The following CX3CR1 variants were observed in gnomAD, a reference collection of about 807,000 sequenced individuals.
CX3CR1 encodes the protein CX3C chemokine receptor 1.
For synonymous variants in CX3CR1, 168 were observed against 178.5 expected (o/e 0.94, Z 0.47); for missense variants, 363 against 432.4 (o/e 0.84, Z 1.42).
At chr3:39,273,163 G>C (rs945654803) in intron 1 of CX3CR1, among the ~76,000 whole-genome samples, 2 of 152,268 alleles carry the variant, frequency 1.3e-5, no homozygotes, top group African/African-American at 4.8e-5. Context: ...GAAAATAGTA[G>C]ACCCAGGCCC....
At chr3:39,275,344 T>C (rs1310770710) in intron 1 of CX3CR1, among the ~76,000 whole-genome samples, 3 of 152,184 alleles carry the variant, frequency 2.0e-5, no homozygotes, top group Admixed American at 6.5e-5. Flanking sequence ...TGTGGGAAGG[T>C]ATGAGCCTAA....
upstream of CX3CR1, chr3:39,280,314 T>C (rs36230797): frequency 0.12 from 120,174 of 985,404 alleles, 7,756 homozygotes; most frequent in Middle Eastern, 0.17. Flanking sequence ...CAGTCAGCTC[T>C]CATTAATGGG....
At chr3:39,278,565 T>A (rs1187501212) in intron 1 of CX3CR1, among the ~76,000 whole-genome samples, 1 of 70,102 alleles carries the variant, frequency 1.4e-5, no homozygotes, top group Non-Finnish European at 2.9e-5. Context: ...TGCTTTCACG[T>A]GGTTCAATTT....
At chr3:39,281,859 T>C (rs1176245992), upstream of CX3CR1, 3 of 603,358 alleles carry the variant, frequency 5.0e-6, no homozygotes, top group Admixed American at 2.8e-5. Flanking sequence ...TACCCTCTTT[T>C]AAAGCTAACG....
At chr3:39,273,225 C>T (rs575145826) in intron 1 of CX3CR1, among the ~76,000 whole-genome samples, 2 of 152,244 alleles carry the variant, frequency 1.3e-5, no homozygotes, top group Admixed American at 6.5e-5. Flanking sequence ...GGGTTCTCCC[C>T]CTGTGGGCTC....
At chr3:39,285,432 T>C (rs764818687), upstream of CX3CR1, among the ~76,000 whole-genome samples, 3 of 152,104 alleles carry the variant, frequency 2.0e-5, no homozygotes, top group Non-Finnish European at 2.9e-5. Flanking sequence ...GTAGACAAAG[T>C]AAGTGCTATT....
At chr3:39,266,692 G>A (rs2040705803) in intron 1 of CX3CR1, 174 bp from the exon 2 acceptor site, 3 of 778,074 alleles carry the variant, frequency 3.9e-6, no homozygotes, top group Non-Finnish European at 7.0e-6. Context: ...GTCTTGTGAT[G>A]AAGACTGCAA....
intron 1 of CX3CR1, among the ~76,000 whole-genome samples, chr3:39,279,227 C>T (rs2040871466): frequency 1.3e-5 from 2 of 151,096 alleles, no homozygotes; most frequent in Admixed American, 6.6e-5. Flanking sequence ...ATAGATGGTA[C>T]AAAAAGTGGA....
At chr3:39,273,525 G>A (rs1409268715) in intron 1 of CX3CR1, among the ~76,000 whole-genome samples, 1 of 152,210 alleles carries the variant, frequency 6.6e-6, no homozygotes, top group African/African-American at 2.4e-5. Context: ...ACCCTGGGCA[G>A]GTCACTCTGC....
chr3:39,265,405 C>G lies in CX3CR1; in HGVS notation c.*37G>C. 6.5e-7 allele frequency: 1 copy of G among 1,546,520 alleles called. No individual in the cohort carries two copies. The highest frequency in any genetic ancestry group is 8.7e-7 in the Non-Finnish European group (1 of 1,147,990). On this transcript the variant is annotated 3_prime_UTR_variant, in exon 2 of 2. Coordinates refer to ENST00000399220, the MANE Select transcript of CX3CR1 (RefSeq NM_001337.4). ...CTAGTCAGCATCAGGTTCAGGAACTCCAGGTTCTCTGTAGACACAAGGCTT... is the reference window on the plus strand; with the variant it reads ...CTAGTCAGCATCAGGTTCAGGAACTGCAGGTTCTCTGTAGACACAAGGCTT...
In CX3CR1 at chr3:39,266,188, A is replaced by G; in HGVS notation, c.322T>C (p.Phe108Leu). ...CTTCCAAAAAAGCCGATGAAGAAGA[A>G]GGCGGTAGTGAATTTGCACATGGCA... Reference protein sequence around the residue: ...HNAMCKFTTAFFFIGFFGSIF... With the variant: ...HNAMCKFTTALFFIGFFGSIF... The change falls in exon 2 of 2, where the codon TTC becomes CTC. Residue 108 changes from phenylalanine to leucine, a missense_variant. Transcript: ENST00000399220. 1 of 1,614,236 alleles carries G rather than the reference A, an allele frequency of 6.2e-7. No homozygotes were observed. Among genetic ancestry groups the G allele is most frequent in the Non-Finnish European group, 8.5e-7 (1 of 1,180,038 alleles).
upstream of CX3CR1, among the ~76,000 whole-genome samples, chr3:39,285,243 A>G (rs1196045061): frequency 6.7e-6 from 1 of 148,504 alleles, no homozygotes; most frequent in South Asian, 2.1e-4. Flanking sequence ...ATAGCTGGGC[A>G]TGGTGGTGCC....
At chr3:39,278,663 T>C (rs2040866123) in intron 1 of CX3CR1, among the ~76,000 whole-genome samples, 1 of 148,264 alleles carries the variant, frequency 6.7e-6, no homozygotes, top group Non-Finnish European at 1.5e-5. Context: ...TTCTTTTTTT[T>C]TTTTTTTTTT....
chr3:39,265,349 T>C lies in CX3CR1; in HGVS notation c.*93A>G, dbSNP rs1003171432. 113 of 1,347,668 alleles carry C rather than the reference T, an allele frequency of 8.4e-5. No homozygotes were observed. Among genetic ancestry groups the C allele is most frequent in the Admixed American group, 1.1e-4 (5 of 44,062 alleles). 83.5% of individuals were successfully genotyped at this position (1,347,668 alleles called of 1,614,324 possible). A position where few individuals can be genotyped will look rare whatever the true frequency, so the allele number is the denominator to read the frequency against. On this transcript the variant is annotated 3_prime_UTR_variant, in exon 2 of 2. Transcript: ENST00000399220. ...TGCATTGGGTCCATCATTTTGTGCC[T>C]GTAAGAAATAACAACAAAAATCTTT...
At chr3:39,289,616 G>T in the CX3CR1 span, among the ~76,000 whole-genome samples, 1 of 152,062 alleles carries the variant, frequency 6.6e-6, no homozygotes, top group African/African-American at 2.4e-5. Context: ...ACTATTCTTA[G>T]AAAAAAATTA....
chr3:39,265,247 GTCAT>G lies in CX3CR1; in HGVS notation c.*191_*194del, dbSNP rs2040678914. On this transcript the variant is annotated 3_prime_UTR_variant, in exon 2 of 2. Coordinates refer to ENST00000399220, the MANE Select transcript of CX3CR1 (RefSeq NM_001337.4). ...GCAGTAAGAGAAATGTCTACTCTTT[GTCAT>G]TCAAAGAGTTCAATTTGTTCATTCT... 3 of 560,558 alleles carry G rather than the reference GTCAT, an allele frequency of 5.4e-6. No individual in the cohort carries two copies. The South Asian group carries it at 8.8e-5, about 16-fold the overall frequency. The allele number at this position is 560,558 out of a possible 1,614,324, so 34.7% of individuals were successfully genotyped here. A position where few individuals can be genotyped will look rare whatever the true frequency, so the allele number is the denominator to read the frequency against.
intron 1 of CX3CR1, among the ~76,000 whole-genome samples, chr3:39,268,638 G>A (rs955595495): frequency 3.9e-5 from 6 of 152,256 alleles, no homozygotes; most frequent in East Asian, 1.9e-4. Context: ...AAATTGTCTC[G>A]CATCTCTTTA....
chr3:39,266,717 A>G (rs2040706346), intron 1 of CX3CR1, 199 bp from the exon 2 acceptor site: 1 of 761,130 alleles, frequency 1.3e-6, no homozygotes, highest in Admixed American at 1.7e-5. Flanking sequence ...CTCTTCTGAC[A>G]GGAGAGGCGG....
chr3:39,264,870 T>G lies in CX3CR1; in HGVS notation c.*572A>C, dbSNP rs918710646. On this transcript the variant is annotated 3_prime_UTR_variant, in exon 2 of 2. Transcript: ENST00000399220. ...TGGAAGCTTCCATCTTATATATCCC[T>G]TCCCCATGGATAACAGCACCTTCCA... The G allele has an allele frequency of 6.6e-6, 1 of 152,588 alleles. No homozygotes were observed. 9.5% of individuals were successfully genotyped at this position (152,588 alleles called of 1,614,324 possible). A position where few individuals can be genotyped will look rare whatever the true frequency, so the allele number is the denominator to read the frequency against.
Sources: allele counts gnomAD v4.1 joint callset (sites outside exome capture counted in the v4.1 genomes callset), GRCh38; gene constraint gnomAD v4.1.1; transcripts MANE v1.5; gene names NCBI Gene and HGNC (gene_info 2026-07-23, HGNC 2026-07-21).